The following TNS1 variants were observed in gnomAD, a reference collection of about 807,000 sequenced individuals.
The protein encoded by TNS1 is tensin-1.
In TNS1, 62 loss-of-function variants were observed where a neutral mutation model predicts 168.6. That is an observed-to-expected ratio of 0.37 (90% CI 0.30 to 0.45). The LOEUF (loss-of-function observed/expected upper bound fraction) is 0.45, where lower values mean the gene tolerates loss of function less well. TNS1 is among the 20% of genes least tolerant of loss of function. The pLI, the probability that TNS1 is intolerant of heterozygous loss-of-function variation, is 1.00. For missense variants in TNS1, 2,240 were observed against 2,339.4 expected (o/e 0.96, Z 0.88); for synonymous variants, 934 against 933.2 (o/e 1.00, Z -0.02).
At position 217,842,107 on chromosome 2, in the gene TNS1, C is replaced by T. The variant is rs567457198; in HGVS notation, c.3007+5403G>A. The T allele has an allele frequency of 7.7e-5, 54 of 703,034 alleles. No homozygotes were observed. In the South Asian group the frequency reaches 7.8e-4, roughly 10 times the overall value. The allele number at this position is 703,034 out of a possible 1,614,324, so 43.5% of individuals were successfully genotyped here. A position where few individuals can be genotyped will look rare whatever the true frequency, so the allele number is the denominator to read the frequency against. On this transcript the variant is annotated intron_variant, in intron 19 of 32. Coordinates refer to ENST00000682258, the MANE Select transcript of TNS1 (RefSeq NM_001387777.1). Reference sequence around the variant, plus strand: ...CAGTTCCTATGCTGGTTCCCTCCTCCTGTCTGTAGCCTTGGAATGTGGGAG... The same window carrying T: ...CAGTTCCTATGCTGGTTCCCTCCTCTTGTCTGTAGCCTTGGAATGTGGGAG...
chr2:217,882,175 A>G (rs1280197262), intron 17 of TNS1, 171 bp downstream of exon 17: 1 of 565,446 alleles, frequency 1.8e-6, no homozygotes. Flanking sequence ...AGATTAAGTC[A>G]CTGGTTCATG....
intron 20 of TNS1, 52 bp from the exon 21 acceptor site, chr2:217,835,218 T>A: frequency 1.3e-6 from 2 of 1,542,164 alleles, no homozygotes; most frequent in Non-Finnish European, 1.8e-6. Context: ...AAGGAGAGAT[T>A]TCCCCTTCAG....
chr2:217,818,300 G>T lies in TNS1; in HGVS notation c.4032C>A (p.Thr1344=). The change falls in exon 24 of 33, where the codon ACC becomes ACA. Residue 1344 remains threonine, a synonymous_variant. Coordinates refer to ENST00000682258, the MANE Select transcript of TNS1 (RefSeq NM_001387777.1). The part of the protein sequence containing the change: ...VSSPQSSAAT[T]PGSPSLCRHP... ...GCCGACACAGGCTGGGGCTCCCCGG[G>T]GTGGTCGCTGCACTGCTCTGGGGGC... The T allele has an allele frequency of 6.2e-7, 1 of 1,613,640 alleles. No individual in the cohort carries two copies.
rs183795405 is a variant in TNS1, at chr2:218,032,880, G to A, written c.156+940C>T. On this transcript the variant is annotated intron_variant, in intron 1 of 1. Transcript: ENST00000649572. This position sits in a 1 kb window ranked among gnomAD's most constrained non-coding sequence, Gnocchi z 4.0. ...ACCAGCTCATCTGATGCAGACACTC[G>A]TCCCCATCCCTCTCCCTGCCACTGT... Among the ~76,000 whole-genome samples the A allele has an allele frequency of 1.3e-5, 2 of 152,150 alleles. No individual in the cohort carries two copies. The highest frequency in any genetic ancestry group is 1.9e-4 in the East Asian group (1 of 5,160).
chr2:217,987,873 G>A (rs1346237028), intron 2 of TNS1, among the ~76,000 whole-genome samples: 2 of 152,124 alleles, frequency 1.3e-5, no homozygotes, highest in Non-Finnish European at 2.9e-5. Flanking sequence ...GCCCTGGTTG[G>A]GTGGGTGAAT....
intron 3 of TNS1, among the ~76,000 whole-genome samples, chr2:217,943,628 C>G (rs1450863254): frequency 1.3e-5 from 2 of 152,180 alleles, no homozygotes; most frequent in Admixed American, 1.3e-4. Flanking sequence ...CTGCCAGAAC[C>G]ACAGAAACAT....
chr2:217,951,764 A>AAC (rs747468296), intron 3 of TNS1, among the ~76,000 whole-genome samples: 88 of 151,592 alleles, frequency 5.8e-4, no homozygotes, highest in Middle Eastern at 3.4e-3. Context: ...AGCTTTATTC[A>AAC]ACACACACAC....
intron 20 of TNS1, 93 bp downstream of exon 20, chr2:217,835,922 T>G: frequency 8.8e-7 from 1 of 1,138,212 alleles, no homozygotes; most frequent in Non-Finnish European, 1.3e-6. Context: ...CTGAGTATAC[T>G]GATATCAGTG....
intron 3 of TNS1, among the ~76,000 whole-genome samples, chr2:217,961,606 A>T (rs992978360): frequency 1.3e-5 from 2 of 152,216 alleles, no homozygotes; most frequent in East Asian, 1.9e-4. Context: ...AAACCCTCAC[A>T]GAGAGTGGGA....
rs112751440 is a variant in TNS1 at position 217,850,949 on chromosome 2, C to T, written c.1430-1862G>A. Among the ~76,000 whole-genome samples, 1,385 of 152,244 alleles carry T rather than the reference C, an allele frequency of 9.1e-3. 20 individuals are homozygous for T. The highest frequency in any genetic ancestry group is 0.031 in the African/African-American group (1,284 of 41,514). The stretch of plus-strand genomic sequence containing the variant: ...ACACGCACATCCTCTCTAGCCATCG[C>T]CTCCGAGCCAGACAGTATTACACCC... On this transcript the variant is annotated intron_variant, in intron 18 of 32. Transcript: ENST00000682258.
At chr2:217,994,921 A>G (rs910781895) in intron 1 of TNS1, among the ~76,000 whole-genome samples, 12 of 152,246 alleles carry the variant, frequency 7.9e-5, no homozygotes, top group African/African-American at 2.7e-4. Flanking sequence ...CTTCTAGGCT[A>G]TGTGGCATTG....
Position 217,831,494 on chromosome 2 carries a change from G to A in TNS1, c.3334C>T (p.Pro1112Ser). 1 of 1,585,648 alleles carries A rather than the reference G, an allele frequency of 6.3e-7. No individual in the cohort carries two copies. Among genetic ancestry groups the A allele is most frequent in the Non-Finnish European group, 8.6e-7 (1 of 1,167,368 alleles). Reference protein sequence around the residue: ...KTPLSALGLKPHNPADILLHP... With the variant: ...KTPLSALGLKSHNPADILLHP... ...AACAGGATGTCCGCTGGGTTGTGAG[G>A]TTTCAGGCCCAGAGCAGACAGGGGT... The change falls in exon 22 of 33, where the codon CCT becomes TCT. Residue 1112 changes from proline (P) to serine (S), a missense_variant. Pro to Ser is a moderately conservative substitution (Grantham distance 74, BLOSUM62 -1). Transcript: ENST00000682258.
intron 10 of TNS1, 109 bp from the exon 11 acceptor site, chr2:217,893,121 T>C: frequency 7.3e-7 from 1 of 1,375,698 alleles, no homozygotes; most frequent in Non-Finnish European, 1.0e-6. Context: ...GAGAGGGGTG[T>C]GGATTTAAGG....
chr2:217,830,087 A>T, intron 22 of TNS1: 1 of 746,576 alleles, frequency 1.3e-6, no homozygotes, highest in Non-Finnish European at 1.6e-6. Flanking sequence ...GAAGGACTCC[A>T]AGGGGAAGGC....
chr2:217,934,578 C>T (rs190207575), intron 3 of TNS1, among the ~76,000 whole-genome samples: 130 of 152,338 alleles, frequency 8.5e-4, no homozygotes, highest in African/African-American at 2.9e-3. Context: ...AGATCTTCCC[C>T]AGTCCCCTCC....
intron 18 of TNS1, among the ~76,000 whole-genome samples, chr2:217,867,646 C>G (rs1949394040): frequency 6.6e-6 from 1 of 152,224 alleles, no homozygotes; most frequent in South Asian, 2.1e-4. Context: ...CTCCCTGTTA[C>G]CTTATCTCCC....
chr2:217,918,811 T>G (rs1955408138), intron 4 of TNS1, among the ~76,000 whole-genome samples: 1 of 145,380 alleles, frequency 6.9e-6, no homozygotes, highest in Non-Finnish European at 1.5e-5. Flanking sequence ...GATTTCTTGC[T>G]GGCAGTTCCA....
At chr2:217,966,279 G>GTA (rs1957627852) in intron 3 of TNS1, among the ~76,000 whole-genome samples, 1 of 140,900 alleles carries the variant, frequency 7.1e-6, no homozygotes, top group Admixed American at 6.8e-5. Context: ...GTGTGTGTGT[G>GTA]TGTGTGTGTG....
At chr2:217,827,376 A>G (rs1481018618) in intron 22 of TNS1, among the ~76,000 whole-genome samples, 3 of 152,098 alleles carry the variant, frequency 2.0e-5, no homozygotes, top group African/African-American at 7.2e-5. Context: ...TTTCCCATCA[A>G]AGTATCAGCA....
Sources: gnomAD v4.1 joint callset for allele counts (sites outside exome capture counted in the v4.1 genomes callset) on GRCh38, gnomAD v4.1.1 for gene constraint, Gnocchi (gnomAD v3.1) non-coding constraint, MANE v1.5 for transcripts, NCBI Gene and HGNC (gene_info 2026-07-23, HGNC 2026-07-21) for gene names.